MARCHF6: variants seen among roughly 807,000 people sequenced by gnomAD.
MARCHF6 encodes membrane associated ring-CH-type finger 6.
A neutral mutation model predicts 133.7 loss-of-function variants in MARCHF6; 31 were observed. That is an observed-to-expected ratio of 0.23 (90% CI 0.17 to 0.31). MARCHF6 has a LOEUF of 0.31. MARCHF6 is among the 10% of genes least tolerant of loss of function. The pLI, the probability that MARCHF6 is intolerant of heterozygous loss-of-function variation, is 1.00. For synonymous variants in MARCHF6, 395 were observed against 402.5 expected, an observed-to-expected ratio of 0.98 and a Z score of 0.22; for missense variants, 723 against 1,121.6, an observed-to-expected ratio of 0.64 and a Z score of 5.08.
Position 10,429,878 on chromosome 5 carries a change from T to A in MARCHF6, c.2507-15T>A, listed in dbSNP as rs973664107. The A allele has an allele frequency of 2.5e-6, 4 of 1,605,090 alleles. No individual in the cohort carries two copies. The highest frequency in any genetic ancestry group is 3.4e-6 in the Non-Finnish European group (4 of 1,173,796). On this transcript the variant is annotated splice_polypyrimidine_tract_variant and intron_variant, in intron 24 of 25. Transcript: ENST00000274140. ...TTTCACATACACTGAAAGTTTTTCT[T>A]TTTTGGTTTTCTAGGTGTTACTGCG...
chr5:10,384,813 A>G (rs1199676145), intron 4 of MARCHF6, among the ~76,000 whole-genome samples: 3 of 152,240 alleles, frequency 2.0e-5, no homozygotes, highest in Admixed American at 2.0e-4. Context: ...TAAATATTAC[A>G]AATACCTTAT....
chr5:10,369,953 C>T (rs1465285095), intron 1 of MARCHF6, among the ~76,000 whole-genome samples: 1 of 151,958 alleles, frequency 6.6e-6, no homozygotes, highest in Non-Finnish European at 1.5e-5. Context: ...TATACATACT[C>T]ACATAGGTTT....
intron 10 of MARCHF6, among the ~76,000 whole-genome samples, chr5:10,398,620 A>G (rs1318073967): frequency 6.6e-6 from 1 of 151,986 alleles, no homozygotes; most frequent in Non-Finnish European, 1.5e-5. Flanking sequence ...TGATCTATAG[A>G]TTTAAGTCTT....
chr5:10,381,651 T>C (rs1426933748), intron 3 of MARCHF6, 149 bp from the exon 4 acceptor site: 5 of 601,888 alleles, frequency 8.3e-6, no homozygotes, highest in Admixed American at 3.8e-5. Flanking sequence ...AAATGTGATA[T>C]TATAACTATT....
intron 1 of MARCHF6, among the ~76,000 whole-genome samples, chr5:10,370,124 A>T (rs1249626867): frequency 9.5e-6 from 1 of 105,186 alleles, no homozygotes; most frequent in African/African-American, 4.0e-5. Flanking sequence ...TTTTTGAGAC[A>T]GGATCTTGCT....
intron 1 of MARCHF6, among the ~76,000 whole-genome samples, chr5:10,356,689 C>T (rs1172212138): frequency 6.6e-6 from 1 of 152,152 alleles, no homozygotes; most frequent in African/African-American, 2.4e-5. Flanking sequence ...AGCTACCGTT[C>T]CTGGCCGGTT....
chr5:10,396,162 G>T (rs1738177017), intron 9 of MARCHF6, among the ~76,000 whole-genome samples: 1 of 152,320 alleles, frequency 6.6e-6, no homozygotes, highest in Admixed American at 6.5e-5. Context: ...CAGTGCCTAT[G>T]AATTCAATGC....
chr5:10,409,660 G>A (rs187043279), intron 17 of MARCHF6, among the ~76,000 whole-genome samples: 22 of 152,296 alleles, frequency 1.4e-4, no homozygotes, highest in African/African-American at 5.1e-4. Flanking sequence ...CATTCTGACT[G>A]CTGTGATGAG....
intron 25 of MARCHF6, among the ~76,000 whole-genome samples, chr5:10,433,209 G>T (rs545273023): frequency 6.6e-6 from 1 of 152,152 alleles, no homozygotes; most frequent in South Asian, 2.1e-4. Flanking sequence ...CTTTCTGATG[G>T]TCATGTTTTT....
At position 10,428,364 on chromosome 5, in the gene MARCHF6, C is replaced by T. The variant is rs566335396; in HGVS notation, c.2507-1529C>T. Among the ~76,000 whole-genome samples the T allele has an allele frequency of 9.0e-5, 9 of 100,156 alleles. No homozygotes were observed. The East Asian group carries it at 1.0e-3, about 11-fold the overall frequency. The allele number at this position is 100,156 out of a possible 152,430, so 65.7% of individuals were successfully genotyped here. ...TTTTTTTTTTTTTTTTTTTGAGAGA[C>T]GGAGTCTCGCTCTTTTGCCCAGGCT... On this transcript the variant is annotated intron_variant, in intron 24 of 25. Transcript: ENST00000274140.
intron 4 of MARCHF6, among the ~76,000 whole-genome samples, chr5:10,386,411 CT>C (rs1305739679): frequency 2.0e-5 from 3 of 152,210 alleles, no homozygotes; most frequent in African/African-American, 7.2e-5. Flanking sequence ...GACTAAAAGA[CT>C]TTCTGCCTTG....
chr5:10,354,214 C>G (rs1337646595), intron 1 of MARCHF6, among the ~76,000 whole-genome samples: 1 of 152,130 alleles, frequency 6.6e-6, no homozygotes, highest in African/African-American at 2.4e-5. Flanking sequence ...CCCGCCGTCG[C>G]GCGCTGGCCC....
intron 19 of MARCHF6, among the ~76,000 whole-genome samples, chr5:10,412,705 A>G (rs1324681386): frequency 1.3e-5 from 2 of 152,068 alleles, no homozygotes; most frequent in Non-Finnish European, 2.9e-5. Flanking sequence ...CCGTCCGATT[A>G]GCTGGGACCA....
At chr5:10,393,729 A>T (rs746697661) in intron 7 of MARCHF6, among the ~76,000 whole-genome samples, 13 of 152,160 alleles carry the variant, frequency 8.5e-5, no homozygotes, top group Non-Finnish European at 1.8e-4. Context: ...TACTACCCAT[A>T]TCATTAGTCA....
At chr5:10,399,387 G>A (rs1738384744) in intron 10 of MARCHF6, among the ~76,000 whole-genome samples, 1 of 151,966 alleles carries the variant, frequency 6.6e-6, no homozygotes, top group Non-Finnish European at 1.5e-5. Flanking sequence ...TAGTCAGAAA[G>A]GGTTAGAGGC....
At chr5:10,388,444 G>A (rs943333974) in intron 5 of MARCHF6, among the ~76,000 whole-genome samples, 1 of 152,100 alleles carries the variant, frequency 6.6e-6, no homozygotes, top group Admixed American at 6.5e-5. Flanking sequence ...GTCATGTCTA[G>A]GTGCACTGTA....
In MARCHF6 at chr5:10,411,359, A is replaced by T; in HGVS notation, c.1718A>T (p.Asp573Val). 6.2e-7 allele frequency: 1 copy of T among 1,614,132 alleles called. No homozygotes were observed. The highest frequency in any genetic ancestry group is 8.5e-7 in the Non-Finnish European group (1 of 1,180,012). Residue 573 changes from aspartate (D) to valine (V), a missense_variant, in exon 19 of 26, where the codon GAC becomes GTC. Transcript: ENST00000274140. Reference protein sequence around the residue: ...LLDLHSYLLGDQEENENSANQ... With the variant: ...LLDLHSYLLGVQEENENSANQ... ...GATCTTCATTCTTATTTATTGGGAG[A>T]CCAGGAAGAAAATGAAAACAGTGCA...
Position 10,413,883 on chromosome 5 carries a change from C to T in MARCHF6, c.1897-550C>T, listed in dbSNP as rs189317490. ...GGTGAGATTTGAGTGGGGACACAGT[C>T]ACACCATATCAGCTTCTCAGTACAG... On this transcript the variant is annotated intron_variant, in intron 19 of 25. Transcript: ENST00000274140. Among the ~76,000 whole-genome samples, 159 of 152,298 alleles carry T rather than the reference C, an allele frequency of 1.0e-3. 1 individual carries two copies. The highest frequency in any genetic ancestry group is 3.8e-3 in the African/African-American group (156 of 41,556).
intron 24 of MARCHF6, 93 bp downstream of exon 24, chr5:10,426,615 A>T (rs1294436373): frequency 1.5e-6 from 2 of 1,317,568 alleles, no homozygotes; most frequent in Non-Finnish European, 2.1e-6. Context: ...CTCACTCCAT[A>T]TGCTTTATTT....
Sources: gnomAD v4.1 joint callset for allele counts (sites outside exome capture counted in the v4.1 genomes callset) on GRCh38, gnomAD v4.1.1 for gene constraint, MANE v1.5 for transcripts, NCBI Gene and HGNC (gene_info 2026-07-23, HGNC 2026-07-21) for gene names.